The following SVIL variants were observed in gnomAD, a reference collection of about 807,000 sequenced individuals.
SVIL encodes the protein supervillin.
In SVIL, 101 loss-of-function variants were observed where a neutral mutation model predicts 240.4. That is an observed-to-expected ratio of 0.42 (90% confidence interval 0.36 to 0.50). SVIL has a LOEUF of 0.50. Among genes scored for constraint, SVIL ranks in the 20% least tolerant of loss-of-function variants. SVIL has a pLI of 0.01. For missense variants in SVIL, 2,512 were observed against 2,818.7 expected, an observed-to-expected ratio of 0.89 and a Z score of 2.46; for synonymous variants, 999 against 1,100.0, an observed-to-expected ratio of 0.91 and a Z score of 1.82.
At chr10:29,717,268 G>C (rs1163590231) in intron 1 of SVIL, among the ~76,000 whole-genome samples, 1 of 120,188 alleles carries the variant, frequency 8.3e-6, no homozygotes, top group East Asian at 2.2e-4. Context: ...AAAAAAAATA[G>C]GCAGTGTGAT....
chr10:29,591,281 C>T (rs1383106341), intron 1 of SVIL, among the ~76,000 whole-genome samples: 1 of 152,182 alleles, frequency 6.6e-6, no homozygotes, highest in Non-Finnish European at 1.5e-5. Flanking sequence ...TCATTCTCAC[C>T]TTGACCTCCC....
chr10:29,679,771 C>T (rs1405425249), intron 2 of SVIL, among the ~76,000 whole-genome samples: 1 of 151,856 alleles, frequency 6.6e-6, no homozygotes, highest in East Asian at 1.9e-4. Context: ...TGCTAGAGGT[C>T]AGGGATCCAG....
At chr10:29,526,759 G>A (rs1950948628) in intron 13 of SVIL, among the ~76,000 whole-genome samples, 1 of 152,236 alleles carries the variant, frequency 6.6e-6, no homozygotes. Flanking sequence ...CATATGCAGA[G>A]AGACAAAATG....
intron 3 of SVIL, among the ~76,000 whole-genome samples, chr10:29,645,610 G>A (rs977425822): frequency 2.0e-5 from 3 of 152,060 alleles, no homozygotes; most frequent in Admixed American, 6.6e-5. Flanking sequence ...CGCTCCAAGC[G>A]AGATAAAATA....
intron 28 of SVIL, among the ~76,000 whole-genome samples, chr10:29,481,255 T>C (rs1390937008): frequency 6.6e-6 from 1 of 151,916 alleles, no homozygotes; most frequent in African/African-American, 2.4e-5. Context: ...ATTCGATGTG[T>C]TGATACATGC....
At chr10:29,506,679 A>AAGAGGGAGGGGACAGAGGCCC (rs1564534982) in intron 17 of SVIL, among the ~76,000 whole-genome samples, 2 of 114,188 alleles carry the variant, frequency 1.8e-5, no homozygotes, top group Non-Finnish European at 3.9e-5. Flanking sequence ...CAGAGGCCCT[A>AAGAGGGAGGGGACAGAGGCCC]TGAGGGAGGG....
In SVIL at chr10:29,463,442, G is replaced by C. The variant is rs74129287; in HGVS notation, c.6277+50C>G. 2,360 of 1,584,868 alleles carry C rather than the reference G, an allele frequency of 1.5e-3. 31 individuals carry two copies. In the African/African-American group the frequency reaches 0.029, roughly 19 times the overall value. On this transcript the variant is annotated intron_variant, in intron 35 of 37. Transcript: ENST00000355867. ...GGGTCTCCTGGCTGCGCATGCCTGA[G>C]GGGCTTCCCCATCTGTTCCGTGCTG...
rs1183175914 is a variant in SVIL, at chr10:29,657,562, G to A, written c.-201+407C>T. Among the ~76,000 whole-genome samples, 5 of 152,044 alleles carry A rather than the reference G, an allele frequency of 3.3e-5. No individual in the cohort carries two copies. In the South Asian group the frequency reaches 8.3e-4, roughly 25 times the overall value. On this transcript the variant is annotated intron_variant, in intron 3 of 35. Coordinates refer to the SVIL transcript ENST00000375400. ...GGTCAAATAGCACAGTTTCCAGAAGGGTGCTCCTGTTCTCACTCCTTTGGC... is the reference window on the plus strand; with the variant it reads ...GGTCAAATAGCACAGTTTCCAGAAGAGTGCTCCTGTTCTCACTCCTTTGGC...
At chr10:29,538,715 T>C (rs1030414413) in intron 6 of SVIL, among the ~76,000 whole-genome samples, 6 of 152,252 alleles carry the variant, frequency 3.9e-5, no homozygotes, top group Admixed American at 3.9e-4. Context: ...TGAGCATATC[T>C]AAGGTAGGTT....
Position 29,725,535 on chromosome 10 carries a change from C to T in SVIL, c.-400+10216G>A, listed in dbSNP as rs955168416. 2.6e-5 allele frequency among the ~76,000 whole-genome samples: 4 copies of T among 152,118 alleles called. No individual in the cohort carries two copies. In the East Asian group the frequency reaches 5.8e-4, roughly 22 times the overall value. ...TCCTAGCAGGCAGGCTTCCCCTCCA[C>T]GAGGGGTTCATTTAAAGAACAGATC... On this transcript the variant is annotated intron_variant, in intron 1 of 35. Coordinates refer to the SVIL transcript ENST00000375400.
rs1487970498 is a variant in SVIL at position 29,523,905 on chromosome 10, A to G, written c.2709T>C (p.Asn903=). ...DLRTKPPLDH[N]ASATDYKFSS... is the part of the protein sequence containing the mutation. ...AAAACTTATAGTCAGTGGCACTTGC[A>G]TTGTGGTCAAGAGGTGGCTTTGTGC... Residue 903 remains asparagine, a synonymous_variant, in exon 15 of 38, where the codon AAT becomes AAC. Coordinates refer to ENST00000355867, the MANE Select transcript of SVIL (RefSeq NM_021738.3). 2 of 1,614,178 alleles carry G rather than the reference A, an allele frequency of 1.2e-6. No homozygotes were observed. The highest frequency in any genetic ancestry group is 1.7e-6 in the Non-Finnish European group (2 of 1,180,030).
chr10:29,642,016 T>A (rs1958500998), intron 3 of SVIL, among the ~76,000 whole-genome samples: 1 of 152,212 alleles, frequency 6.6e-6, no homozygotes, highest in Non-Finnish European at 1.5e-5. Flanking sequence ...TGCCCAACCA[T>A]GAGACACCAG....
At chr10:29,464,477 TCTA>T (rs1191889158) in intron 34 of SVIL, among the ~76,000 whole-genome samples, 1 of 152,090 alleles carries the variant, frequency 6.6e-6, no homozygotes, top group Non-Finnish European at 1.5e-5. Flanking sequence ...TCAAAACTGT[TCTA>T]CTGCCTTTTC....
rs972258685 is a variant in SVIL at position 29,588,387 on chromosome 10, C to T, written c.-200-19075G>A. ...TTTGTGCCGGTGTCCAGTGCGGACT[C>T]TCTTCACGTTAAGACACTTCCTGTG... On this transcript the variant is annotated intron_variant, in intron 1 of 37. Coordinates refer to ENST00000355867, the MANE Select transcript of SVIL (RefSeq NM_021738.3). Among the ~76,000 whole-genome samples, 34 of 151,838 alleles carry T rather than the reference C, an allele frequency of 2.2e-4. 1 individual carries two copies. The highest frequency in any genetic ancestry group is 4.3e-4 in the Non-Finnish European group (29 of 68,042).
chr10:29,707,742 T>G (rs1962991446), intron 1 of SVIL, among the ~76,000 whole-genome samples: 1 of 152,206 alleles, frequency 6.6e-6, no homozygotes, highest in African/African-American at 2.4e-5. Flanking sequence ...TAGCTGAAGC[T>G]ATCTTTAAAA....
At chr10:29,544,423 T>C (rs753851111) in intron 6 of SVIL, among the ~76,000 whole-genome samples, 19 of 152,222 alleles carry the variant, frequency 1.2e-4, no homozygotes, top group Middle Eastern at 3.4e-3. Context: ...ACATAGTAGC[T>C]AGGGTTTGGG....
intron 1 of SVIL, among the ~76,000 whole-genome samples, chr10:29,606,391 A>C (rs1387246600): frequency 6.6e-6 from 1 of 152,194 alleles, no homozygotes; most frequent in Non-Finnish European, 1.5e-5. Flanking sequence ...AAGTAGAGAC[A>C]ATGCTATAAT....
intron 1 of SVIL, among the ~76,000 whole-genome samples, chr10:29,586,303 T>C (rs1218365264): frequency 2.0e-5 from 3 of 152,182 alleles, no homozygotes; most frequent in Non-Finnish European, 4.4e-5. Context: ...AGTTTTTAAT[T>C]GACAAATAAT....
At chr10:29,612,735 T>A (rs1352711982) in intron 1 of SVIL, among the ~76,000 whole-genome samples, 3 of 152,068 alleles carry the variant, frequency 2.0e-5, no homozygotes, top group African/African-American at 7.2e-5. Flanking sequence ...TTTCAAAAAG[T>A]TTAAAAAACG....
Sources: allele counts gnomAD v4.1 joint callset (sites outside exome capture counted in the v4.1 genomes callset), GRCh38; gene constraint gnomAD v4.1.1; transcripts MANE v1.5; gene names NCBI Gene and HGNC (gene_info 2026-07-23, HGNC 2026-07-21).